The following ATP9B variants were observed in gnomAD, a reference collection of about 807,000 sequenced individuals.
The protein encoded by ATP9B is probable phospholipid-transporting ATPase IIB.
ATP9B carries 110 observed loss-of-function variants against 146.1 expected under a neutral mutation model. The observed-to-expected ratio is 0.75, with a 90% CI of 0.65 to 0.88. The LOEUF (loss-of-function observed/expected upper bound fraction) is 0.88. Ranked by LOEUF, ATP9B falls within the 40% of genes least tolerant of loss-of-function variation. The probability of loss-of-function intolerance (pLI) is 0.00; values close to 1 mark genes in which losing one functional copy is unlikely to be tolerated. For synonymous variants in ATP9B, 604 were observed against 569.7 expected, an observed-to-expected ratio of 1.06 and a Z score of -0.86; for missense variants, 1,499 against 1,496.4, an observed-to-expected ratio of 1.00 and a Z score of -0.03.
intron 11 of ATP9B, among the ~76,000 whole-genome samples, chr18:79,214,384 T>A (rs1351995078): frequency 6.6e-6 from 1 of 152,246 alleles, no homozygotes; most frequent in East Asian, 1.9e-4. Context: ...TGATGGTTCA[T>A]TTTAAAATAA....
intron 5 of ATP9B, among the ~76,000 whole-genome samples, chr18:79,137,080 C>T (rs1373142649): frequency 6.6e-6 from 1 of 152,152 alleles, no homozygotes; most frequent in Non-Finnish European, 1.5e-5. Flanking sequence ...ACAGCCAAAC[C>T]ATATCATACT....
rs2097109678 is a variant in ATP9B, at chr18:79,377,716, C to A, written c.*333C>A. 1 of 290,770 alleles carries A rather than the reference C, an allele frequency of 3.4e-6. No homozygotes were observed. The highest frequency in any genetic ancestry group is 6.7e-6 in the Non-Finnish European group (1 of 150,220). 18.0% of individuals were successfully genotyped at this position (290,770 alleles called of 1,614,324 possible). ...AGGGACGTCACCCCTGCCAGGCAAG[C>A]CCAGGGCACAGAGGCCGGGACGGCC... On this transcript the variant is annotated 3_prime_UTR_variant, in exon 30 of 30. Coordinates refer to ENST00000426216, the MANE Select transcript of ATP9B (RefSeq NM_198531.5).
chr18:79,109,212 T>C (rs2075844801), intron 2 of ATP9B, among the ~76,000 whole-genome samples: 1 of 152,230 alleles, frequency 6.6e-6, no homozygotes. Context: ...AGTAAGCCAT[T>C]CTGAGTCTTT....
intron 9 of ATP9B, 134 bp from the exon 10 acceptor site, chr18:79,206,799 CGTCT>C (rs1178474912): frequency 1.5e-6 from 1 of 656,132 alleles, no homozygotes; most frequent in Non-Finnish European, 2.5e-6. Flanking sequence ...TTTTTTCTAA[CGTCT>C]GTTTTGCAGT....
chr18:79,249,064 G>A (rs928255604), intron 11 of ATP9B, among the ~76,000 whole-genome samples: 4 of 149,958 alleles, frequency 2.7e-5, no homozygotes, highest in South Asian at 2.1e-4. Context: ...ATTCTCACTC[G>A]TCCGAGCATT....
chr18:79,101,312 G>A (rs908214180), intron 2 of ATP9B, among the ~76,000 whole-genome samples: 2 of 152,094 alleles, frequency 1.3e-5, no homozygotes, highest in South Asian at 2.1e-4. Context: ...TACTCAATAT[G>A]TGATACTTAA....
chr18:79,106,686 A>G (rs964377576), intron 2 of ATP9B, among the ~76,000 whole-genome samples: 4 of 152,260 alleles, frequency 2.6e-5, no homozygotes, highest in African/African-American at 7.2e-5. Context: ...ATCAAAGTCT[A>G]GGCATCTTAG....
At chr18:79,282,352 G>C (rs1485956258) in intron 13 of ATP9B, among the ~76,000 whole-genome samples, 1 of 152,112 alleles carries the variant, frequency 6.6e-6, no homozygotes, top group Admixed American at 6.5e-5. Context: ...GGCATGCTAC[G>C]GAGAAATATT....
intron 11 of ATP9B, among the ~76,000 whole-genome samples, chr18:79,247,983 T>C (rs930714534): frequency 3.9e-5 from 6 of 152,210 alleles, no homozygotes; most frequent in Non-Finnish European, 7.3e-5. Flanking sequence ...AGGTGATAAA[T>C]TGTAACATTA....
At chr18:79,282,793 T>C (rs1348651830) in intron 13 of ATP9B, among the ~76,000 whole-genome samples, 1 of 152,078 alleles carries the variant, frequency 6.6e-6, no homozygotes, top group African/African-American at 2.4e-5. Flanking sequence ...TATCCTCAAT[T>C]GGAAAGGGCT....
chr18:79,322,683 G>A (rs2096722496), intron 15 of ATP9B, among the ~76,000 whole-genome samples: 1 of 152,222 alleles, frequency 6.6e-6, no homozygotes, highest in Non-Finnish European at 1.5e-5. Context: ...TGTAATTTAT[G>A]TTCTTACTAA....
At chr18:79,108,612 G>A (rs2075809507) in intron 2 of ATP9B, among the ~76,000 whole-genome samples, 1 of 152,154 alleles carries the variant, frequency 6.6e-6, no homozygotes, top group South Asian at 2.1e-4. Context: ...GGGGGGAGCT[G>A]GCTTGCTTGG....
chr18:79,177,489 C>T (rs2095191465), intron 8 of ATP9B, among the ~76,000 whole-genome samples: 1 of 151,946 alleles, frequency 6.6e-6, no homozygotes, highest in Non-Finnish European at 1.5e-5. Flanking sequence ...GCAGTCCTCT[C>T]TCCTTGGTCT....
intron 7 of ATP9B, among the ~76,000 whole-genome samples, chr18:79,172,566 G>C (rs1477791191): frequency 2.7e-5 from 3 of 110,182 alleles, no homozygotes; most frequent in Non-Finnish European, 3.7e-5. Flanking sequence ...GATTACAGGC[G>C]TAGCCACCGT....
chr18:79,173,803 C>T (rs2147907817), intron 7 of ATP9B: 1 of 453,772 alleles, frequency 2.2e-6, no homozygotes, highest in Non-Finnish European at 4.4e-6. Flanking sequence ...TTGTTTTAGC[C>T]ATTCTAAACA....
intron 15 of ATP9B, among the ~76,000 whole-genome samples, chr18:79,328,520 A>T (rs2096773501): frequency 6.6e-6 from 1 of 152,232 alleles, no homozygotes; most frequent in Non-Finnish European, 1.5e-5. Context: ...TTTCCACATG[A>T]CAGAAGAGGA....
At chr18:79,187,132 A>G (rs1415944076) in intron 8 of ATP9B, among the ~76,000 whole-genome samples, 1 of 152,236 alleles carries the variant, frequency 6.6e-6, no homozygotes, top group Admixed American at 6.5e-5. Flanking sequence ...TTGGAGCTTC[A>G]GTCCTGAACT....
chr18:79,127,894 A>G (rs2094313617), intron 5 of ATP9B, among the ~76,000 whole-genome samples: 2 of 152,052 alleles, frequency 1.3e-5, no homozygotes, highest in South Asian at 4.2e-4. Flanking sequence ...GTTTGATTGC[A>G]GCCACTGCTT....
intron 15 of ATP9B, among the ~76,000 whole-genome samples, chr18:79,309,669 A>G (rs149770218): frequency 0.029 from 4,354 of 150,436 alleles, 77 homozygotes; most frequent in Non-Finnish European, 0.038. Context: ...CCCAGCAGGT[A>G]GAAGGTCAGG....
Sources: gnomAD v4.1 joint callset for allele counts (sites outside exome capture counted in the v4.1 genomes callset) on GRCh38, gnomAD v4.1.1 for gene constraint, MANE v1.5 for transcripts, NCBI Gene and HGNC (gene_info 2026-07-23, HGNC 2026-07-21) for gene names.